The following CREB3L1 variants were observed in gnomAD, a reference collection of about 807,000 sequenced individuals.
CREB3L1 encodes the protein cyclic AMP-responsive element-binding protein 3-like protein 1.
A neutral mutation model predicts 54.5 loss-of-function variants in CREB3L1; 33 were observed. The observed-to-expected ratio is 0.61, with a 90% CI of 0.46 to 0.81. CREB3L1 has a LOEUF of 0.81. CREB3L1 is among the 30% of genes least tolerant of loss of function. The probability of loss-of-function intolerance (pLI) is 0.00; values close to 1 mark genes in which losing one functional copy is unlikely to be tolerated. For missense variants in CREB3L1, 656 were observed against 673.3 expected, an observed-to-expected ratio of 0.97 and a Z score of 0.29; for synonymous variants, 284 against 286.4, an observed-to-expected ratio of 0.99 and a Z score of 0.08.
chr11:46,312,596 G>C lies in CREB3L1; in HGVS notation c.904-16G>C. Reference sequence around the variant, plus strand: ...TGTGGCAGTGCTAACCCTTGTTTTCGGGCCTCCCCCTCTAGATCTCAGCCC... The same window carrying C: ...TGTGGCAGTGCTAACCCTTGTTTTCCGGCCTCCCCCTCTAGATCTCAGCCC... On this transcript the variant is annotated splice_polypyrimidine_tract_variant and intron_variant, in intron 6 of 11. Coordinates refer to ENST00000621158, the MANE Select transcript of CREB3L1 (RefSeq NM_052854.4). 1 of 1,610,124 alleles carries C rather than the reference G, an allele frequency of 6.2e-7. No homozygotes were observed. Among genetic ancestry groups the C allele is most frequent in the Non-Finnish European group, 8.5e-7 (1 of 1,178,114 alleles).
chr11:46,301,359 T>G (rs1298795311), intron 2 of CREB3L1, among the ~76,000 whole-genome samples: 1 of 151,286 alleles, frequency 6.6e-6, no homozygotes, highest in Non-Finnish European at 1.5e-5. Flanking sequence ...AATAACTGGC[T>G]GGGTGCAGTT....
Position 46,317,351 on chromosome 11 carries a change from T to A in CREB3L1, c.1132-10T>A. ...CCCCAGATCTGATGCCACTCTCTCT[T>A]TGCTACCAGGTGGCAGCCTTGTGCT... On this transcript the variant is annotated splice_polypyrimidine_tract_variant and intron_variant, in intron 9 of 11. Coordinates refer to ENST00000621158, the MANE Select transcript of CREB3L1 (RefSeq NM_052854.4). 1.2e-6 allele frequency: 2 copies of A among 1,613,912 alleles called. No homozygotes were observed. The highest frequency in any genetic ancestry group is 1.7e-6 in the Non-Finnish European group (2 of 1,179,842).
In CREB3L1 at chr11:46,299,997, C is replaced by T. The variant is rs1336373955; in HGVS notation, c.165C>T (p.Phe55=). The T allele has an allele frequency of 6.2e-7, 1 of 1,613,982 alleles. No individual in the cohort carries two copies. The part of the protein sequence containing the change: ...ENMEDFSNDL[F]SSFFDDPVLD... ...TGGAGGACTTCTCCAATGACCTGTTCAGCAGCTTCTTTGATGACCCTGTGC... is the reference window on the plus strand; with the variant it reads ...TGGAGGACTTCTCCAATGACCTGTTTAGCAGCTTCTTTGATGACCCTGTGC... Residue 55 remains phenylalanine (F), a synonymous_variant, in exon 2 of 12, where the codon TTC becomes TTT. Coordinates refer to ENST00000621158, the MANE Select transcript of CREB3L1 (RefSeq NM_052854.4).
intron 2 of CREB3L1, among the ~76,000 whole-genome samples, chr11:46,306,552 T>TC (rs1353930861): frequency 4.7e-5 from 7 of 148,178 alleles, no homozygotes; most frequent in African/African-American, 7.4e-5. Flanking sequence ...CTTCAGCGGC[T>TC]CCCCATTTGC....
intron 2 of CREB3L1, among the ~76,000 whole-genome samples, 160 bp downstream of exon 2, chr11:46,300,323 T>G (rs1325855741): frequency 6.6e-6 from 1 of 152,234 alleles, no homozygotes; most frequent in African/African-American, 2.4e-5. Context: ...TGCCTTTCTG[T>G]TCTCCCTCAG....
At chr11:46,309,566 G>T (rs1290577438) in intron 3 of CREB3L1, among the ~76,000 whole-genome samples, 1 of 152,140 alleles carries the variant, frequency 6.6e-6, no homozygotes, top group Non-Finnish European at 1.5e-5. Flanking sequence ...ACTTCTCAGG[G>T]AGCATCCTCG....
intron 8 of CREB3L1, among the ~76,000 whole-genome samples, chr11:46,314,277 A>T (rs553791227): frequency 6.6e-6 from 1 of 152,136 alleles, no homozygotes; most frequent in African/African-American, 2.4e-5. Context: ...ATTATCTCAT[A>T]GGATGGATGT....
At chr11:46,306,424 A>G (rs1004312918) in intron 2 of CREB3L1, among the ~76,000 whole-genome samples, 2 of 151,802 alleles carry the variant, frequency 1.3e-5, no homozygotes, top group African/African-American at 2.4e-5. Flanking sequence ...GAACCAATTG[A>G]GCCAGGAAGG....
intron 1 of CREB3L1, among the ~76,000 whole-genome samples, chr11:46,289,129 G>A (rs568349001): frequency 2.0e-3 from 303 of 152,304 alleles, no homozygotes; most frequent in Non-Finnish European, 3.3e-3. Context: ...TGTAATCCCA[G>A]CACTTTGGGA....
In CREB3L1 at chr11:46,312,025, G is replaced by A. The variant is rs559049646; in HGVS notation, c.754-300G>A. ...AAGCCAAGATTGTAGGGAGGGGTCT[G>A]AGGGAGATGCTGTTTGGGGCACCCT... On this transcript the variant is annotated intron_variant, in intron 5 of 11. Transcript: ENST00000621158. 1.0e-3 allele frequency among the ~76,000 whole-genome samples: 158 copies of A among 152,306 alleles called. 1 individual carries two copies. Among genetic ancestry groups the A allele is most frequent in the African/African-American group, 3.8e-3 (157 of 41,560 alleles).
Position 46,278,350 on chromosome 11 carries a change from G to T in CREB3L1, c.102+137G>T, listed in dbSNP as rs1938911258. On this transcript the variant is annotated intron_variant, in intron 1 of 11. Transcript: ENST00000621158. The surrounding 1 kb of genome is among the most constrained non-coding windows in gnomAD (Gnocchi z 4.2). ...GGTTCAGCGCAGGGTCTCCAGGAGC[G>T]ACATGTGTTTGGAGCTAAGCGCCCC... is the stretch of plus-strand genomic sequence containing the variant. 3.6e-6 allele frequency: 2 copies of T among 554,066 alleles called. No homozygotes were observed. The highest frequency in any genetic ancestry group is 4.8e-5 in the South Asian group (2 of 42,082). 34.3% of individuals were successfully genotyped at this position (554,066 alleles called of 1,614,324 possible).
chr11:46,312,069 G>C (rs1008095856), intron 5 of CREB3L1, among the ~76,000 whole-genome samples: 5 of 152,080 alleles, frequency 3.3e-5, no homozygotes, highest in African/African-American at 1.2e-4. Context: ...AAGCTTTGAG[G>C]GTGCAGTCTC....
chr11:46,293,024 T>G (rs1190911667), intron 1 of CREB3L1, among the ~76,000 whole-genome samples: 1 of 152,202 alleles, frequency 6.6e-6, no homozygotes, highest in Non-Finnish European at 1.5e-5. Flanking sequence ...CAGAAAGCCT[T>G]TTGAGAGCAG....
intron 1 of CREB3L1, among the ~76,000 whole-genome samples, chr11:46,296,471 A>G (rs1566183906): frequency 2.0e-5 from 3 of 151,070 alleles, no homozygotes; most frequent in East Asian, 1.9e-4. Flanking sequence ...AAGAAATAGG[A>G]GGGGGGGAAC....
At chr11:46,298,359 C>G (rs1372918970) in intron 1 of CREB3L1, among the ~76,000 whole-genome samples, 1 of 152,212 alleles carries the variant, frequency 6.6e-6, no homozygotes, top group Non-Finnish European at 1.5e-5. Flanking sequence ...TCTCTTCTGA[C>G]CCACCAGCAA....
At chr11:46,285,637 C>T (rs778964715) in intron 1 of CREB3L1, among the ~76,000 whole-genome samples, 2 of 152,156 alleles carry the variant, frequency 1.3e-5, no homozygotes, top group Non-Finnish European at 2.9e-5. Context: ...TCCCTGCCGC[C>T]GGGTTCAGTG....
At chr11:46,302,486 G>A (rs913143873) in intron 2 of CREB3L1, among the ~76,000 whole-genome samples, 21 of 152,178 alleles carry the variant, frequency 1.4e-4, no homozygotes, top group South Asian at 4.2e-4. Flanking sequence ...TGGCTCTGTC[G>A]CTTTTGGCTA....
chr11:46,307,853 G>A lies in CREB3L1; in HGVS notation c.369G>A (p.Leu123=), dbSNP rs1244873230. 1.4e-5 allele frequency: 22 copies of A among 1,583,296 alleles called. No individual in the cohort carries two copies. The highest frequency in any genetic ancestry group is 1.7e-5 in the Non-Finnish European group (20 of 1,164,834). Residue 123 remains leucine (L), a synonymous_variant, in exon 3 of 12, where the codon CTG becomes CTA. Transcript: ENST00000621158. ...GAGCATGGGCGCTGGGACACAAACT[G>A]TGCTCCATCATGGTGAAGCAGGAGC... ...EHGAWALGHK[L]CSIMVKQEQS... is the part of the protein sequence containing the mutation.
chr11:46,293,734 T>C (rs1939164190), intron 1 of CREB3L1, among the ~76,000 whole-genome samples: 1 of 152,214 alleles, frequency 6.6e-6, no homozygotes, highest in Non-Finnish European at 1.5e-5. Flanking sequence ...CATGACTCAG[T>C]CATCTCAGGC....
Sources: gnomAD v4.1 joint callset for allele counts (sites outside exome capture counted in the v4.1 genomes callset) on GRCh38, gnomAD v4.1.1 for gene constraint, Gnocchi (gnomAD v3.1) non-coding constraint, MANE v1.5 for transcripts, NCBI Gene and HGNC (gene_info 2026-07-23, HGNC 2026-07-21) for gene names.